Variants in ZNF722 observed in about 807,000 individuals in gnomAD.
ZNF722 encodes zinc finger protein 479 pseudogene.
chr7:64,015,612 A>C, the ZNF722 span: 1 of 1,613,636 alleles, frequency 6.2e-7, no homozygotes. Flanking sequence ...GCGCTCCTCA[A>C]CACTTACTAA....
chr7:64,013,391 A>G, the ZNF722 span, among the ~76,000 whole-genome samples: 1 of 152,082 alleles, frequency 6.6e-6, no homozygotes, highest in Non-Finnish European at 1.5e-5. Flanking sequence ...ATTATATAAT[A>G]TCAATCTTTG....
At chr7:64,011,239 G>A in the ZNF722 span, among the ~76,000 whole-genome samples, 210 of 152,140 alleles carry the variant, frequency 1.4e-3, no homozygotes, top group African/African-American at 4.6e-3. Flanking sequence ...GGGGCATTTG[G>A]CTTATTTACA....
chr7:64,006,351 G>C, the ZNF722 span: 1 of 1,222,942 alleles, frequency 8.2e-7, no homozygotes, highest in Non-Finnish European at 1.1e-6. Context: ...AGATGACACA[G>C]ATGAGAGATA....
the ZNF722 span, among the ~76,000 whole-genome samples, chr7:64,002,795 C>T: frequency 6.6e-6 from 1 of 152,300 alleles, no homozygotes; most frequent in Admixed American, 6.5e-5. Flanking sequence ...TCAGATATTG[C>T]TGTCTTCTGT....
At chr7:64,012,582 A>G in the ZNF722 span, among the ~76,000 whole-genome samples, 3 of 152,108 alleles carry the variant, frequency 2.0e-5, no homozygotes, top group Non-Finnish European at 4.4e-5. Flanking sequence ...CAAAGTGCTG[A>G]GATTACACCT....
the ZNF722 span, among the ~76,000 whole-genome samples, chr7:64,004,446 A>ATATG: frequency 7.2e-6 from 1 of 138,804 alleles, no homozygotes; most frequent in Non-Finnish European, 1.5e-5. Flanking sequence ...ATATATATAT[A>ATATG]TATATATATA....
chr7:64,007,958 C>T, the ZNF722 span, among the ~76,000 whole-genome samples: 1 of 152,270 alleles, frequency 6.6e-6, no homozygotes, highest in East Asian at 1.9e-4. Flanking sequence ...GATGGTATCT[C>T]ATTGTGGTTT....
the ZNF722 span, among the ~76,000 whole-genome samples, chr7:64,010,316 T>G: frequency 7.2e-5 from 11 of 152,212 alleles, no homozygotes; most frequent in African/African-American, 2.7e-4. Context: ...GCTTCTCTAG[T>G]TCCTTTAATT....
the ZNF722 span, among the ~76,000 whole-genome samples, chr7:64,014,745 G>T: frequency 6.6e-6 from 1 of 152,296 alleles, no homozygotes; most frequent in Non-Finnish European, 1.5e-5. Flanking sequence ...TGGGGATGAG[G>T]AAGGGCTGTG....
the ZNF722 span, chr7:64,015,958 C>G: frequency 2.5e-6 from 3 of 1,187,968 alleles, no homozygotes; most frequent in Non-Finnish European, 3.6e-6. Flanking sequence ...ATAATACATA[C>G]AATAATTTAT....
chr7:64,015,936 C>T, the ZNF722 span: 53 of 1,373,510 alleles, frequency 3.9e-5, no homozygotes, highest in Middle Eastern at 1.8e-4. Context: ...CAAATTCTAG[C>T]CCTCAGGCCT....
the ZNF722 span, among the ~76,000 whole-genome samples, chr7:63,999,993 A>G: frequency 6.6e-6 from 1 of 151,730 alleles, no homozygotes; most frequent in East Asian, 2.0e-4. Context: ...ACCTCACCCA[A>G]CCATAAGAGA....
chr7:64,002,934 T>C, the ZNF722 span, among the ~76,000 whole-genome samples: 1 of 152,200 alleles, frequency 6.6e-6, no homozygotes, highest in African/African-American at 2.4e-5. Flanking sequence ...GTGCCTGCTT[T>C]CTCTCGCTAA....
At chr7:64,013,327 A>G in the ZNF722 span, among the ~76,000 whole-genome samples, 1 of 152,116 alleles carries the variant, frequency 6.6e-6, no homozygotes, top group Non-Finnish European at 1.5e-5. Flanking sequence ...ATATGCCTAT[A>G]CATATAGATA....
At chr7:64,013,080 G>A in the ZNF722 span, among the ~76,000 whole-genome samples, 1 of 152,048 alleles carries the variant, frequency 6.6e-6, no homozygotes, top group East Asian at 1.9e-4. Context: ...GTGAACCAAA[G>A]AAATCTTTTT....
At chr7:64,010,696 G>C in the ZNF722 span, among the ~76,000 whole-genome samples, 1 of 152,180 alleles carries the variant, frequency 6.6e-6, no homozygotes, top group African/African-American at 2.4e-5. Flanking sequence ...AGTGTGATGT[G>C]GTACTGAGAA....
the ZNF722 span, chr7:64,005,874 A>T: frequency 1.3e-5 from 11 of 858,196 alleles, no homozygotes; most frequent in African/African-American, 1.6e-4. Flanking sequence ...TCATTGGTGT[A>T]GAACAGATTC....
the ZNF722 span, chr7:64,015,148 G>A: frequency 1.4e-6 from 2 of 1,424,928 alleles, no homozygotes; most frequent in Non-Finnish European, 9.9e-7. Context: ...TTTAAAAAAT[G>A]CTGTAAAAGT....
At chr7:64,005,479 TAGTC>T in the ZNF722 span, 2 of 534,692 alleles carry the variant, frequency 3.7e-6, no homozygotes, top group Non-Finnish European at 6.7e-6. Flanking sequence ...CGAATAATTT[TAGTC>T]AGTCTTATAA....
Sources: allele counts gnomAD v4.1 joint callset (sites outside exome capture counted in the v4.1 genomes callset), GRCh38; gene constraint gnomAD v4.1.1; transcripts MANE v1.5; gene names NCBI Gene and HGNC (gene_info 2026-07-23, HGNC 2026-07-21).